NYX: variants seen among roughly 807,000 people sequenced by gnomAD.
NYX encodes the protein nyctalopin.
For synonymous variants in NYX, 258 were observed against 245.7 expected, an observed-to-expected ratio of 1.05 and a Z score of -0.47; for missense variants, 481 against 485.4, an observed-to-expected ratio of 0.99 and a Z score of 0.09.
chrX:41,473,686 G>A lies in NYX; in HGVS notation c.218G>A (p.Gly73Asp), dbSNP rs774858268. 1.1e-5 allele frequency: 12 copies of A among 1,131,540 alleles called. No individual in the cohort carries two copies. The South Asian group carries it at 2.4e-4, about 22-fold the overall frequency. The allele number at this position is 1,131,540 out of a possible 1,213,427, so 93.3% of individuals were successfully genotyped here. Residue 73 changes from glycine to aspartate, a missense_variant, in exon 3 of 3, where the codon GGC (glycine) becomes GAC (aspartate). By Grantham distance (94) the Gly-to-Asp change is moderately conservative (BLOSUM62 -1). Transcript: ENST00000378220. ...GACCGGAACGGCCTGCGCTTCCTGG[G>A]CGAGCGAGCCTTCGGCACGCTGCCG... Reference protein sequence around the residue: ...DLDRNGLRFLGERAFGTLPSL... With the variant: ...DLDRNGLRFLDERAFGTLPSL...
chrX:41,472,419 TCACCTGATGACTCAC>T lies in NYX; in HGVS notation c.23-1069_23-1055del. ...CGCACACCCTCGTGCAATGTGAAGCTCACCTGATGACTCACCATGGCCAGCAGGCCGCGGAGGTAA... is the reference window on the plus strand; with the variant it reads ...CGCACACCCTCGTGCAATGTGAAGCTCATGGCCAGCAGGCCGCGGAGGTAA... On this transcript the variant is annotated intron_variant, in intron 2 of 2. Coordinates refer to ENST00000378220, the MANE Select transcript of NYX (RefSeq NM_001378477.3). The T allele has an allele frequency of 2.6e-6, 3 of 1,144,660 alleles. No individual in the cohort carries two copies. The East Asian group carries it at 9.0e-5, about 34-fold the overall frequency. 94.3% of individuals were successfully genotyped at this position (1,144,660 alleles called of 1,213,427 possible). A position where few individuals can be genotyped will look rare whatever the true frequency, so the allele number is the denominator to read the frequency against.
intron 2 of NYX, among the ~76,000 whole-genome samples, chrX:41,453,444 TTTC>T (rs776736272): frequency 8.2e-4 from 90 of 109,183 alleles, no homozygotes; most frequent in Middle Eastern, 9.3e-3. Flanking sequence ...ACTATCTTAT[TTTC>T]TTCTTCTTCT....
intron 2 of NYX, among the ~76,000 whole-genome samples, chrX:41,451,976 CTGT>C (rs956893070): frequency 6.4e-5 from 7 of 109,591 alleles, no homozygotes; most frequent in Non-Finnish European, 1.3e-4. Context: ...TTTGCTGTTG[CTGT>C]TGTTGTTGTT....
At chrX:41,468,966 G>A (rs774355217) in intron 2 of NYX, among the ~76,000 whole-genome samples, 2 of 111,369 alleles carry the variant, frequency 1.8e-5, no homozygotes, top group Non-Finnish European at 3.8e-5. Flanking sequence ...AACCTTGCTG[G>A]AAGCTTGGTG....
intron 2 of NYX, among the ~76,000 whole-genome samples, chrX:41,461,129 C>G (rs1457635655): frequency 9.3e-6 from 1 of 106,969 alleles, no homozygotes; most frequent in African/African-American, 3.4e-5. Context: ...ACCTGAGCAA[C>G]AAACACTGAA....
At chrX:41,448,879 A>G (rs750545090) in intron 2 of NYX, among the ~76,000 whole-genome samples, 43 of 111,698 alleles carry the variant, frequency 3.8e-4, no homozygotes, top group African/African-American at 1.3e-3. Flanking sequence ...TTCTAATCAC[A>G]TTATTTTAAG....
At chrX:41,473,388 GC>G in intron 2 of NYX, 102 bp from the exon 3 acceptor site, 1 of 851,377 alleles carries the variant, frequency 1.2e-6, no homozygotes, top group Non-Finnish European at 1.4e-6. Flanking sequence ...GCATCCTGCT[GC>G]CCGGACAGGC....
intron 2 of NYX, among the ~76,000 whole-genome samples, chrX:41,461,492 C>T (rs2064319780): frequency 5.5e-5 from 6 of 109,247 alleles, no homozygotes; most frequent in Non-Finnish European, 9.5e-5. Context: ...CTGCTATAAA[C>T]GTGCGTGCAA....
intron 2 of NYX, among the ~76,000 whole-genome samples, chrX:41,457,231 G>A (rs1222953844): frequency 6.5e-5 from 7 of 107,223 alleles, no homozygotes; most frequent in African/African-American, 2.0e-4. Context: ...GCTTGAACCC[G>A]GGAGGCGGAG....
chrX:41,467,716 G>T (rs927977466), intron 2 of NYX, among the ~76,000 whole-genome samples: 6 of 111,014 alleles, frequency 5.4e-5, no homozygotes, highest in African/African-American at 2.0e-4. Flanking sequence ...GGAGTTCAGT[G>T]GTCCAATCAT....
At chrX:41,458,292 G>A (rs1369515712) in intron 2 of NYX, among the ~76,000 whole-genome samples, 1 of 111,779 alleles carries the variant, frequency 8.9e-6, no homozygotes, top group African/African-American at 3.2e-5. Flanking sequence ...ATCTCAGAAA[G>A]GCTAGGTGTG....
chrX:41,447,723 G>A (rs1314924942), intron 1 of NYX, 126 bp from the exon 2 acceptor site: 2 of 520,739 alleles, frequency 3.8e-6, no homozygotes, highest in African/African-American at 4.6e-5. Context: ...CAACACCAGG[G>A]TCATTAAGAA....
chrX:41,456,819 G>T (rs780166053), intron 2 of NYX, among the ~76,000 whole-genome samples: 17 of 111,823 alleles, frequency 1.5e-4, no homozygotes, highest in Non-Finnish European at 3.0e-4. Flanking sequence ...TTCTCTAAAT[G>T]TAGAAAGAGT....
At chrX:41,464,198 T>C (rs2064330557) in intron 2 of NYX, among the ~76,000 whole-genome samples, 1 of 108,915 alleles carries the variant, frequency 9.2e-6, no homozygotes, top group Non-Finnish European at 1.9e-5. Context: ...CAGGCAGGAA[T>C]TCAGTGGCAT....
intron 2 of NYX, among the ~76,000 whole-genome samples, chrX:41,448,567 T>C (rs867636313): frequency 8.9e-5 from 9 of 101,410 alleles, no homozygotes; most frequent in East Asian, 3.0e-4. Flanking sequence ...CTTTTCTTTT[T>C]TTTTTTTTTT....
intron 2 of NYX, among the ~76,000 whole-genome samples, chrX:41,451,896 G>A (rs2064281491): frequency 9.0e-6 from 1 of 110,950 alleles, no homozygotes; most frequent in Non-Finnish European, 1.9e-5. Flanking sequence ...CTGGAGCCAG[G>A]GGTGGGAAAA....
chrX:41,473,366 G>A (rs2064370066), intron 2 of NYX, 125 bp from the exon 3 acceptor site: 1 of 783,122 alleles, frequency 1.3e-6, no homozygotes, highest in Non-Finnish European at 1.6e-6. Context: ...AAGATAACTC[G>A]GTGGAGGGCC....
chrX:41,470,892 T>C (rs1035953153), intron 2 of NYX, among the ~76,000 whole-genome samples: 1 of 109,296 alleles, frequency 9.1e-6, no homozygotes, highest in Non-Finnish European at 1.9e-5. Context: ...TCCTCGGAGA[T>C]CCCCCAGGGC....
chrX:41,448,097 A>G (rs1368219823), intron 2 of NYX, among the ~76,000 whole-genome samples, 171 bp downstream of exon 2: 1 of 111,616 alleles, frequency 9.0e-6, no homozygotes, highest in African/African-American at 3.3e-5. Context: ...GCAAGAAAAC[A>G]GCAGGTGGTG....
Sources: allele counts gnomAD v4.1 joint callset (sites outside exome capture counted in the v4.1 genomes callset), GRCh38; gene constraint gnomAD v4.1.1; transcripts MANE v1.5; gene names NCBI Gene and HGNC (gene_info 2026-07-23, HGNC 2026-07-21).